Variants in SLF1 observed in about 807,000 individuals in gnomAD.
SLF1 encodes SMC5/6 complex localization factor 1.
A neutral mutation model predicts 123.0 loss-of-function variants in SLF1; 105 were observed. The observed-to-expected ratio is 0.85, with a 90% CI of 0.73 to 1.00. SLF1 has a LOEUF of 1.00. Ranked by LOEUF, SLF1 falls within the 50% of genes least tolerant of loss-of-function variation. SLF1 has a pLI of 0.00. For missense variants in SLF1, 1,239 were observed against 1,223.0 expected, an observed-to-expected ratio of 1.01 and a Z score of -0.20; for synonymous variants, 434 against 406.6, an observed-to-expected ratio of 1.07 and a Z score of -0.81.
intron 4 of SLF1, among the ~76,000 whole-genome samples, chr5:94,638,571 A>G (rs72773522): frequency 0.15 from 22,288 of 152,114 alleles, 1,830 homozygotes; most frequent in East Asian, 0.32. Context: ...ACTTCCTGAG[A>G]TGTATCTCAG....
intron 1 of SLF1, 138 bp from the exon 2 acceptor site, chr5:94,628,673 A>G (rs1240892849): frequency 1.0e-5 from 5 of 492,168 alleles, no homozygotes; most frequent in Admixed American, 8.0e-5. Context: ...ATATTGTTTT[A>G]ACAGCTGTGC....
At chr5:94,638,710 G>C (rs766174513) in intron 4 of SLF1, among the ~76,000 whole-genome samples, 5 of 152,206 alleles carry the variant, frequency 3.3e-5, no homozygotes, top group African/African-American at 4.8e-5. Context: ...GGGTCAAAGT[G>C]AGACCATTTG....
chr5:94,675,677 G>A (rs1440820776), intron 14 of SLF1, among the ~76,000 whole-genome samples: 1 of 152,074 alleles, frequency 6.6e-6, no homozygotes, highest in Non-Finnish European at 1.5e-5. Context: ...GTAGTAGTGT[G>A]CATGTTTAGC....
chr5:94,620,674 A>G (rs1791704479), intron 1 of SLF1, among the ~76,000 whole-genome samples: 1 of 152,228 alleles, frequency 6.6e-6, no homozygotes, highest in South Asian at 2.1e-4. Flanking sequence ...GAATTCTCTC[A>G]AGAATGTAAC....
At chr5:94,666,205 T>C (rs1286818232) in intron 12 of SLF1, among the ~76,000 whole-genome samples, 181 bp downstream of exon 12, 2 of 152,210 alleles carry the variant, frequency 1.3e-5, no homozygotes, top group Admixed American at 1.3e-4. Context: ...TGGTCATGTT[T>C]TTCAGTCTGT....
intron 15 of SLF1, among the ~76,000 whole-genome samples, chr5:94,679,605 A>C (rs902268272): frequency 1.3e-4 from 20 of 151,944 alleles, no homozygotes; most frequent in Admixed American, 7.9e-4. Flanking sequence ...AAAAAAAAAA[A>C]CAAACAAAAA....
At chr5:94,678,203 A>G (rs1318506847) in intron 14 of SLF1, among the ~76,000 whole-genome samples, 4 of 152,118 alleles carry the variant, frequency 2.6e-5, no homozygotes. Context: ...TACAGGCGTG[A>G]GCCACCGCGC....
intron 8 of SLF1, 145 bp from the exon 9 acceptor site, chr5:94,654,485 G>A: frequency 2.3e-6 from 1 of 428,784 alleles, no homozygotes; most frequent in Non-Finnish European, 3.7e-6. Flanking sequence ...CTTTCATTGT[G>A]TAATCTTGAT....
chr5:94,666,111 T>C lies in SLF1; in HGVS notation c.1532+87T>C, dbSNP rs1441066464. ...TTTTAAGATACTGATGAAAGAAGTA[T>C]CTTTCTACTTTTGGAAAAGTTTTGT... On this transcript the variant is annotated intron_variant, in intron 12 of 20. Transcript: ENST00000265140. 2.4e-6 allele frequency: 3 copies of C among 1,276,302 alleles called. No homozygotes were observed. In the African/African-American group the frequency reaches 4.5e-5, roughly 19 times the overall value. 79.1% of individuals were successfully genotyped at this position (1,276,302 alleles called of 1,614,324 possible).
intron 9 of SLF1, among the ~76,000 whole-genome samples, chr5:94,661,000 G>A (rs554821126): frequency 2.1e-4 from 32 of 152,242 alleles, no homozygotes; most frequent in Non-Finnish European, 1.6e-4. Flanking sequence ...AGCTCTCTGG[G>A]TGGACAGGAA....
chr5:94,678,623 G>T (rs991633230), intron 14 of SLF1, 185 bp from the exon 15 acceptor site: 15 of 482,734 alleles, frequency 3.1e-5, no homozygotes, highest in Non-Finnish European at 4.2e-5. Context: ...TTTGTCATGT[G>T]GAGAGAGAGA....
chr5:94,678,908 G>A lies in SLF1; in HGVS notation c.1928G>A (p.Arg643Gln), dbSNP rs774490548. ...LGLKMGRNVM[R>Q]HMSDDLGSYV... ...CTTAAGATGGGTAGAAATGTGATGCGACACATGTCTGATGACTTAGGAAGT... is the reference window on the plus strand; with the variant it reads ...CTTAAGATGGGTAGAAATGTGATGCAACACATGTCTGATGACTTAGGAAGT... Residue 643 changes from arginine to glutamine, a missense_variant, in exon 15 of 21, where the codon CGA becomes CAA. Coordinates refer to ENST00000265140, the MANE Select transcript of SLF1 (RefSeq NM_032290.4). The A allele has an allele frequency of 7.4e-6, 12 of 1,613,624 alleles. No homozygotes were observed. The highest frequency in any genetic ancestry group is 4.5e-5 in the East Asian group (2 of 44,794).
chr5:94,628,672 T>C (rs563309607), intron 1 of SLF1, 139 bp from the exon 2 acceptor site: 32 of 492,582 alleles, frequency 6.5e-5, no homozygotes, highest in African/African-American at 4.8e-4. Context: ...AATATTGTTT[T>C]AACAGCTGTG....
chr5:94,674,122 T>TCATTAAGGA (rs1750783203), intron 14 of SLF1, among the ~76,000 whole-genome samples: 1 of 152,200 alleles, frequency 6.6e-6, no homozygotes, highest in Admixed American at 6.5e-5. Context: ...TACAATGCAA[T>TCATTAAGGA]CATTAAGGAT....
chr5:94,638,766 G>A (rs1177969575), intron 4 of SLF1, among the ~76,000 whole-genome samples: 1 of 152,104 alleles, frequency 6.6e-6, no homozygotes, highest in Admixed American at 6.5e-5. Context: ...GTTTACGCCG[G>A]TATCCCAGGC....
chr5:94,694,954 A>G lies in SLF1; in HGVS notation c.2819A>G (p.His940Arg), dbSNP rs1299554957. The stretch of plus-strand genomic sequence containing the variant: ...ATAGAAGATACAGTGGAGAACTTTC[A>G]TGCACAAGCAGAGAAACATTTTCAT... ...TKIEDTVENFHAQAEKHFHYQ... is the reference protein window; with the variant it reads ...TKIEDTVENFRAQAEKHFHYQ... Residue 940 changes from histidine (H) to arginine (R), a missense_variant, in exon 21 of 21, where the codon CAT becomes CGT. His to Arg is a conservative substitution (Grantham distance 29). Transcript: ENST00000265140. 1.9e-6 allele frequency: 3 copies of G among 1,612,692 alleles called. No homozygotes were observed. Among genetic ancestry groups the G allele is most frequent in the Admixed American group, 1.7e-5 (1 of 59,856 alleles).
chr5:94,670,350 A>G lies in SLF1; in HGVS notation c.1661+71A>G, dbSNP rs72773550. On this transcript the variant is annotated intron_variant, in intron 13 of 20. Transcript: ENST00000265140. The stretch of plus-strand genomic sequence containing the variant: ...TTTTATGCACCATTTTTTTTTTACA[A>G]TTATTATAAATATATTTCTAAAAAG... The G allele has an allele frequency of 5.6e-3, 6,147 of 1,104,060 alleles. 26 individuals carry two copies. Among genetic ancestry groups the G allele is most frequent in the Non-Finnish European group, 6.7e-3 (5,430 of 813,748 alleles). 68.4% of individuals were successfully genotyped at this position (1,104,060 alleles called of 1,614,324 possible). A position where few individuals can be genotyped will look rare whatever the true frequency, so the allele number is the denominator to read the frequency against.
intron 1 of SLF1, among the ~76,000 whole-genome samples, chr5:94,619,286 AT>A (rs34456968): frequency 0.039 from 5,808 of 148,550 alleles, 255 homozygotes; most frequent in East Asian, 0.24. Context: ...CTCTAGTAGA[AT>A]TTTTTTTTTT....
intron 7 of SLF1, 134 bp from the exon 8 acceptor site, chr5:94,653,138 T>G (rs1457874353): frequency 2.4e-6 from 2 of 829,956 alleles, no homozygotes; most frequent in Non-Finnish European, 3.5e-6. Context: ...ATTACAGGCA[T>G]GAGCCACCGC....
Sources: allele counts gnomAD v4.1 joint callset (sites outside exome capture counted in the v4.1 genomes callset), GRCh38; gene constraint gnomAD v4.1.1; transcripts MANE v1.5; gene names NCBI Gene and HGNC (gene_info 2026-07-23, HGNC 2026-07-21).